The following CLVS1 variants were observed in gnomAD, a reference collection of about 807,000 sequenced individuals.
The protein encoded by CLVS1 is clavesin-1.
CLVS1 carries 10 observed loss-of-function variants against 33.1 expected under a neutral mutation model. The observed-to-expected ratio is 0.30, with a 90% CI of 0.19 to 0.51. CLVS1 has a LOEUF of 0.51. CLVS1 is among the 20% of genes least tolerant of loss of function. The pLI is 0.97. For synonymous variants in CLVS1, 163 were observed against 166.1 expected, an observed-to-expected ratio of 0.98 and a Z score of 0.14; for missense variants, 343 against 433.4, an observed-to-expected ratio of 0.79 and a Z score of 1.85.
intron 2 of CLVS1, among the ~76,000 whole-genome samples, chr8:61,248,449 G>C (rs1236296581): frequency 6.6e-6 from 1 of 151,752 alleles, no homozygotes; most frequent in African/African-American, 2.4e-5. Flanking sequence ...TTGTTTGTTT[G>C]TTCTCTGATT....
intron 2 of CLVS1, among the ~76,000 whole-genome samples, chr8:61,339,899 G>A (rs537995859): frequency 6.6e-6 from 1 of 150,792 alleles, no homozygotes; most frequent in Admixed American, 6.6e-5. Context: ...GAGGGAGAAA[G>A]GGAGGGAGGG....
chr8:61,489,692 C>T (rs1411475814), intron 5 of CLVS1, among the ~76,000 whole-genome samples: 2 of 152,196 alleles, frequency 1.3e-5, no homozygotes, highest in African/African-American at 4.8e-5. Context: ...AGATACGAAA[C>T]ACTCCTGTAG....
At chr8:61,336,597 T>C (rs1486909865) in intron 2 of CLVS1, among the ~76,000 whole-genome samples, 1 of 151,826 alleles carries the variant, frequency 6.6e-6, no homozygotes, top group East Asian at 1.9e-4. Context: ...AGAGAAAACA[T>C]GTGCATAAAA....
At chr8:61,211,391 C>T (rs1320324195) in intron 2 of CLVS1, among the ~76,000 whole-genome samples, 3 of 149,084 alleles carry the variant, frequency 2.0e-5, no homozygotes, top group African/African-American at 7.5e-5. Context: ...CTCTTCCTTC[C>T]CCCTTTACCT....
At chr8:61,039,440 G>A in the CLVS1 span, among the ~76,000 whole-genome samples, 13 of 152,302 alleles carry the variant, frequency 8.5e-5, no homozygotes, top group African/African-American at 2.9e-4. Flanking sequence ...GGCTCCTTCA[G>A]GTAGCATGGT....
At chr8:61,071,792 C>T (rs1481132355) in intron 1 of CLVS1, among the ~76,000 whole-genome samples, 1 of 152,176 alleles carries the variant, frequency 6.6e-6, no homozygotes, top group African/African-American at 2.4e-5. Flanking sequence ...CCTTTAAGTA[C>T]ATGCAAATGC....
chr8:61,199,882 T>C (rs1006657928), intron 2 of CLVS1, among the ~76,000 whole-genome samples: 2 of 152,218 alleles, frequency 1.3e-5, no homozygotes, highest in African/African-American at 2.4e-5. Flanking sequence ...TGTCCATTAT[T>C]AGTTTACCAT....
intron 2 of CLVS1, among the ~76,000 whole-genome samples, chr8:61,177,896 T>A (rs1807149293): frequency 6.7e-6 from 1 of 150,204 alleles, no homozygotes; most frequent in African/African-American, 2.5e-5. Flanking sequence ...AAAGAATCAA[T>A]GAAAAAATGC....
At chr8:61,191,573 G>A (rs536472680) in intron 2 of CLVS1, among the ~76,000 whole-genome samples, 42 of 152,298 alleles carry the variant, frequency 2.8e-4, no homozygotes, top group Non-Finnish European at 4.9e-4. Flanking sequence ...TAGGAAAAGA[G>A]GAAGTCAAAT....
At chr8:61,415,744 C>T (rs1355086510) in intron 3 of CLVS1, among the ~76,000 whole-genome samples, 1 of 152,136 alleles carries the variant, frequency 6.6e-6, no homozygotes, top group Non-Finnish European at 1.5e-5. Context: ...CACCTACCCT[C>T]TTCATTGAAG....
intron 1 of CLVS1, among the ~76,000 whole-genome samples, chr8:61,120,971 CCT>C: frequency 6.7e-6 from 1 of 149,402 alleles, no homozygotes; most frequent in Non-Finnish European, 1.5e-5. Context: ...CCTCCCCCAG[CCT>C]CGCTGCCGCC....
intron 1 of CLVS1, among the ~76,000 whole-genome samples, chr8:61,090,548 C>T (rs541256662): frequency 6.6e-6 from 1 of 152,072 alleles, no homozygotes; most frequent in Non-Finnish European, 1.5e-5. Context: ...AGCGTGATTC[C>T]AAGGGTGGAT....
intron 2 of CLVS1, chr8:61,202,200 A>G: frequency 2.3e-6 from 1 of 426,388 alleles, no homozygotes. Context: ...GTAGGAGCTA[A>G]GAACATAAAG....
chr8:61,043,151 C>T, the CLVS1 span, among the ~76,000 whole-genome samples: 6 of 152,168 alleles, frequency 3.9e-5, no homozygotes, highest in Non-Finnish European at 7.4e-5. Context: ...CTCCCAGGTC[C>T]GCAGACCAAC....
intron 2 of CLVS1, among the ~76,000 whole-genome samples, chr8:61,366,872 G>A (rs1813232047): frequency 6.6e-6 from 1 of 152,080 alleles, no homozygotes; most frequent in Non-Finnish European, 1.5e-5. Flanking sequence ...ATATACTTCT[G>A]AGTAACCCTT....
At chr8:61,132,809 T>C (rs1447556206) in intron 2 of CLVS1, among the ~76,000 whole-genome samples, 1 of 152,132 alleles carries the variant, frequency 6.6e-6, no homozygotes, top group Non-Finnish European at 1.5e-5. Flanking sequence ...CTCCCGTAAG[T>C]AAAGCAACAC....
intron 4 of CLVS1, among the ~76,000 whole-genome samples, chr8:61,456,917 C>CAAAA (rs764079859): frequency 8.0e-6 from 1 of 124,278 alleles, no homozygotes; most frequent in African/African-American, 3.1e-5. Flanking sequence ...GACTCCGTCT[C>CAAAA]AAAAAAAAAA....
chr8:61,454,860 C>T (rs554176454), intron 4 of CLVS1, among the ~76,000 whole-genome samples: 2 of 152,282 alleles, frequency 1.3e-5, no homozygotes, highest in Non-Finnish European at 2.9e-5. Context: ...TCCTTAACCA[C>T]TCTGAATCTC....
intron 2 of CLVS1, among the ~76,000 whole-genome samples, chr8:61,309,414 G>A (rs188347679): frequency 6.6e-6 from 1 of 152,254 alleles, no homozygotes; most frequent in East Asian, 1.9e-4. Context: ...CATGATCTCA[G>A]AATGACATCT....
Sources: gnomAD v4.1 joint callset for allele counts (sites outside exome capture counted in the v4.1 genomes callset) on GRCh38, gnomAD v4.1.1 for gene constraint, MANE v1.5 for transcripts, NCBI Gene and HGNC (gene_info 2026-07-23, HGNC 2026-07-21) for gene names.